MYO9A: variants seen among roughly 807,000 people sequenced by gnomAD.
The protein encoded by MYO9A is unconventional myosin-IXa.
Under a neutral mutation model 293.3 loss-of-function variants are expected in MYO9A, and 103 were observed. The ratio of observed to expected loss-of-function variants is 0.35; its 90% confidence interval spans 0.30 to 0.41. MYO9A has a LOEUF of 0.41. Among genes scored for constraint, MYO9A ranks in the 10% least tolerant of loss-of-function variants. The pLI is 1.00. For synonymous variants in MYO9A, 1,001 were observed against 1,035.7 expected, an observed-to-expected ratio of 0.97 and a Z score of 0.64; for missense variants, 2,685 against 3,033.0, an observed-to-expected ratio of 0.89 and a Z score of 2.69.
At chr15:72,052,964 T>G (rs7172557) in intron 1 of MYO9A, among the ~76,000 whole-genome samples, 145,262 of 152,232 alleles carry the variant, frequency 0.95, 69,683 homozygotes, top group East Asian at 1. Flanking sequence ...GTTTCCAGCC[T>G]GAAAAGTATC....
rs756502412 is a variant in MYO9A, at chr15:71,878,026, T to C, written c.5931+14A>G. On this transcript the variant is annotated intron_variant, in intron 31 of 41. Coordinates refer to ENST00000356056, the MANE Select transcript of MYO9A (RefSeq NM_006901.4). ...AATTAAATCCTTTAAGTAATCAAAA[T>C]ATATCACATTTACCTTTGTGGCTGT... 9.6e-6 allele frequency: 15 copies of C among 1,559,556 alleles called. No individual in the cohort carries two copies. The East Asian group carries it at 2.8e-4, about 29-fold the overall frequency.
Position 71,898,542 on chromosome 15 carries a change from T to A in MYO9A, c.3961A>T (p.Thr1321Ser). The change falls in exon 25 of 42, where the codon ACA (threonine) becomes TCA (serine). Residue 1321 changes from threonine (T) to serine (S), a missense_variant. Physicochemically the swap from Thr to Ser is moderately conservative, Grantham distance 58 (BLOSUM62 1). Around this residue, in one of 10 missense-constraint regions of MYO9A, gnomAD observed 1,434 missense variants for 1,497.7 expected, o/e 0.96. Transcript: ENST00000356056. ...VPEGLQSPRG[T>S]PDSESSQGSL... ...CCTTGAGAGCTCTCACTATCAGGTG[T>A]ACCCCGTGGAGACTGAAGGCCTTCA... 1 of 1,614,072 alleles carries A rather than the reference T, an allele frequency of 6.2e-7. No homozygotes were observed. Among genetic ancestry groups the A allele is most frequent in the South Asian group, 1.1e-5 (1 of 91,082 alleles).
rs766004345 is a variant in MYO9A, at chr15:71,826,653, C to T, written c.7574G>A (p.Arg2525Lys). The stretch of plus-strand genomic sequence containing the variant: ...GGTGCAGTCTGGGTCCACAGTTTTT[C>T]TGCGGCCAGACATGACTGTCCCCTC... ...TPEGTVMSGRRKTVDPDCTSN... is the reference protein window; with the variant it reads ...TPEGTVMSGRKKTVDPDCTSN... Residue 2525 changes from arginine to lysine, a missense_variant, in exon 42 of 42, where the codon AGA becomes AAA. Arg to Lys is a conservative substitution (Grantham distance 26). Coordinates refer to ENST00000356056, the MANE Select transcript of MYO9A (RefSeq NM_006901.4). 4 of 1,612,930 alleles carry T rather than the reference C, an allele frequency of 2.5e-6. No homozygotes were observed. In the African/African-American group the frequency reaches 5.4e-5, roughly 22 times the overall value.
intron 1 of MYO9A, among the ~76,000 whole-genome samples, chr15:72,101,557 G>A (rs2080324994): frequency 7.6e-6 from 1 of 132,404 alleles, no homozygotes; most frequent in Non-Finnish European, 1.6e-5. Flanking sequence ...CGTCCGGGAG[G>A]TGAGGGGCGC....
intron 1 of MYO9A, among the ~76,000 whole-genome samples, chr15:72,077,987 C>T (rs2079423970): frequency 6.6e-6 from 1 of 151,794 alleles, no homozygotes; most frequent in Admixed American, 6.6e-5. Flanking sequence ...GTACTATATG[C>T]CTATTAGAAT....
chr15:72,051,169 A>T (rs780822260), intron 1 of MYO9A, among the ~76,000 whole-genome samples: 13 of 152,162 alleles, frequency 8.5e-5, no homozygotes, highest in Admixed American at 3.3e-4. Flanking sequence ...GACTCAAGTG[A>T]TCCTCCTGCC....
In MYO9A at chr15:71,827,917, T is replaced by C. The variant is rs147088860; in HGVS notation, c.7150A>G (p.Met2384Val). The change falls in exon 41 of 42, where the codon ATG (methionine) becomes GTG (valine). Residue 2384 changes from methionine (M) to valine (V), a missense_variant. Around this residue, in one of 10 missense-constraint regions of MYO9A, gnomAD observed 350 missense variants for 328.9 expected, o/e 1.06. Transcript: ENST00000356056. ...GTADSSENLN[M>V]ESEYAISEKS... ...TCAGAGATAGCATATTCAGACTCCA[T>C]ATTCAAATTCTCTGAGCTATCAGCA... 205 of 1,613,802 alleles carry C rather than the reference T, an allele frequency of 1.3e-4. No individual in the cohort carries two copies. The African/African-American group carries it at 2.4e-3, about 19-fold the overall frequency.
intron 4 of MYO9A, among the ~76,000 whole-genome samples, chr15:72,025,832 C>T (rs1226253381): frequency 6.6e-6 from 1 of 152,062 alleles, no homozygotes; most frequent in Non-Finnish European, 1.5e-5. Context: ...ACACTCCAGT[C>T]AACATAAGGA....
chr15:71,831,493 G>A (rs1595984514), intron 39 of MYO9A, among the ~76,000 whole-genome samples: 4 of 152,284 alleles, frequency 2.6e-5, no homozygotes, highest in South Asian at 2.1e-4. Context: ...CAAAACCTCC[G>A]TGCCTGACAC....
chr15:71,889,175 C>A (rs1193437455), intron 26 of MYO9A, among the ~76,000 whole-genome samples: 1 of 152,106 alleles, frequency 6.6e-6, no homozygotes. Context: ...CTCTAGAGAT[C>A]TACAGAAGGT....
Position 72,101,043 on chromosome 15 carries a change from A to G in MYO9A, c.-72+16637T>C, listed in dbSNP as rs2080284449. Among the ~76,000 whole-genome samples the G allele has an allele frequency of 2.2e-5, 3 of 134,708 alleles. No homozygotes were observed. In the South Asian group the frequency reaches 7.5e-4, roughly 34 times the overall value. The allele number at this position is 134,708 out of a possible 152,430, so 88.4% of individuals were successfully genotyped here. ...AGGCGGGTCAGCCCCCCGCCCGGCCAGCCGCCCCGTCAGGGAGGGAGGTGG... is the reference window on the plus strand; with the variant it reads ...AGGCGGGTCAGCCCCCCGCCCGGCCGGCCGCCCCGTCAGGGAGGGAGGTGG... On this transcript the variant is annotated intron_variant, in intron 1 of 41. Transcript: ENST00000356056.
chr15:71,949,190 G>C (rs1482740560), intron 15 of MYO9A, among the ~76,000 whole-genome samples: 1 of 151,990 alleles, frequency 6.6e-6, no homozygotes, highest in African/African-American at 2.4e-5. Context: ...TGATCTTCCT[G>C]GATCTGTAAG....
chr15:71,873,411 T>C (rs1191019313), intron 32 of MYO9A, among the ~76,000 whole-genome samples: 3 of 152,180 alleles, frequency 2.0e-5, no homozygotes, highest in Admixed American at 6.5e-5. Context: ...CATGTTACTG[T>C]GAAAAAGTGT....
At chr15:72,108,462 A>G (rs1250147175) in intron 1 of MYO9A, among the ~76,000 whole-genome samples, 2 of 152,202 alleles carry the variant, frequency 1.3e-5, no homozygotes, top group Non-Finnish European at 2.9e-5. Context: ...GCCATTCTAC[A>G]AGATGATTGG....
intron 40 of MYO9A, 57 bp from the exon 41 acceptor site, chr15:71,828,083 C>A (rs1374933911): frequency 1.2e-5 from 19 of 1,549,042 alleles, no homozygotes; most frequent in Admixed American, 1.0e-4. Context: ...AGGAAGATAA[C>A]AGAAAAAAAG....
chr15:72,037,498 G>T (rs185162381), intron 2 of MYO9A, among the ~76,000 whole-genome samples: 25 of 152,016 alleles, frequency 1.6e-4, no homozygotes, highest in African/African-American at 4.4e-4. Flanking sequence ...GTTGACAACC[G>T]CTTGGCTGAG....
At chr15:71,980,337 C>A (rs758146775) in intron 11 of MYO9A, among the ~76,000 whole-genome samples, 2 of 152,118 alleles carry the variant, frequency 1.3e-5, no homozygotes, top group Non-Finnish European at 2.9e-5. Context: ...AATTTACATA[C>A]CCACCCCAGC....
At chr15:72,061,607 C>T (rs942621843) in intron 1 of MYO9A, among the ~76,000 whole-genome samples, 2 of 151,870 alleles carry the variant, frequency 1.3e-5, no homozygotes, top group Non-Finnish European at 2.9e-5. Context: ...CTTCTGCCTA[C>T]GGAAAGAAGA....
chr15:72,077,259 T>C (rs999556270), intron 1 of MYO9A, among the ~76,000 whole-genome samples: 1 of 152,104 alleles, frequency 6.6e-6, no homozygotes, highest in Non-Finnish European at 1.5e-5. Context: ...ATAGAAGAAA[T>C]AATTGATAAG....
Sources: gnomAD v4.1 joint callset for allele counts (sites outside exome capture counted in the v4.1 genomes callset) on GRCh38, gnomAD v4.1.1 for gene constraint, gnomAD v4.1.1 regional missense constraint, MANE v1.5 for transcripts, NCBI Gene and HGNC (gene_info 2026-07-23, HGNC 2026-07-21) for gene names.